C17orf113: variants seen among roughly 807,000 people sequenced by gnomAD.
C17orf113 encodes chromosome 17 open reading frame 113, also known as uncharacterized protein C17orf113.
In C17orf113, 5 loss-of-function variants were observed where a neutral mutation model predicts 11.6. That is an observed-to-expected ratio of 0.43 (90% CI 0.23 to 0.91). The LOEUF is 0.91. Ranked by LOEUF, C17orf113 falls within the 40% of genes least tolerant of loss-of-function variation. The probability of loss-of-function intolerance (pLI) is 0.26; values close to 1 mark genes in which losing one functional copy is unlikely to be tolerated. For missense variants in C17orf113, 714 were observed against 841.3 expected, an observed-to-expected ratio of 0.85 and a Z score of 1.87; for synonymous variants, 327 against 390.6, an observed-to-expected ratio of 0.84 and a Z score of 1.92.
chr17:42,049,575 C>T (rs1555656924), intron 1 of C17orf113, among the ~76,000 whole-genome samples: 1 of 152,260 alleles, frequency 6.6e-6, no homozygotes, highest in East Asian at 1.9e-4. Flanking sequence ...CTTTGACATC[C>T]TTTCCTCCCA....
In C17orf113 at chr17:42,050,538, C is replaced by G. The variant is rs2053260059; in HGVS notation, c.-188+19G>C. On this transcript the variant is annotated intron_variant, in intron 1 of 2. Transcript: ENST00000587304. The surrounding 1 kb of genome is among the most constrained non-coding windows in gnomAD (Gnocchi z 5.6). ...GTCCAGCCCGGCCTGGCGCCCCCGC[C>G]CCGTCCGCTCGCACTCACGGAGACA... The G allele has an allele frequency of 6.6e-6, 1 of 152,244 alleles. No homozygotes were observed. Among genetic ancestry groups the G allele is most frequent in the Admixed American group, 6.5e-5 (1 of 15,290 alleles). The allele number at this position is 152,244 out of a possible 1,614,324, so 9.4% of individuals were successfully genotyped here.
At chr17:42,047,793 A>G (rs1555656764) in intron 1 of C17orf113, among the ~76,000 whole-genome samples, 1 of 151,768 alleles carries the variant, frequency 6.6e-6, no homozygotes, top group African/African-American at 2.4e-5. Context: ...AGCTGGGATT[A>G]CAGGCGCGCA....
intron 1 of C17orf113, among the ~76,000 whole-genome samples, chr17:42,046,835 G>A (rs1232076613): frequency 6.6e-6 from 1 of 150,930 alleles, no homozygotes; most frequent in Non-Finnish European, 1.5e-5. Flanking sequence ...TTGTTTCTGA[G>A]ACTGTCAATT....
chr17:42,041,705 T>G (rs563936032), intron 2 of C17orf113, among the ~76,000 whole-genome samples: 1 of 152,260 alleles, frequency 6.6e-6, no homozygotes, highest in African/African-American at 2.4e-5. Context: ...TCCCAACCAG[T>G]CACCCTGGGT....
At position 42,043,191 on chromosome 17, in the gene C17orf113, G is replaced by A. The variant is rs1555656312; in HGVS notation, c.186C>T (p.Asn62=). The part of the protein sequence containing the change: ...LVRNKHGKAE[N]AFTVGTDNFQ... ...AGTTGTCTGTGCCCACAGTGAAGGC[G>A]TTTTCGGCTTTGCCATGCTTGTTCC... The change falls in exon 2 of 3, where the codon AAC becomes AAT. Residue 62 remains asparagine, a synonymous_variant. Transcript: ENST00000587304. The A allele has an allele frequency of 1.2e-5, 15 of 1,232,112 alleles. No homozygotes were observed. In the Middle Eastern group the frequency reaches 9.3e-4, roughly 76 times the overall value. The allele number at this position is 1,232,112 out of a possible 1,614,324, so 76.3% of individuals were successfully genotyped here.
Position 42,043,192 on chromosome 17 carries a change from T to C in C17orf113, c.185A>G (p.Asn62Ser). The C allele has an allele frequency of 8.1e-7, 1 of 1,232,146 alleles. No homozygotes were observed. 76.3% of individuals were successfully genotyped at this position (1,232,146 alleles called of 1,614,324 possible). ...GTTGTCTGTGCCCACAGTGAAGGCG[T>C]TTTCGGCTTTGCCATGCTTGTTCCG... ...LVRNKHGKAENAFTVGTDNFQ... is the reference protein window; with the variant it reads ...LVRNKHGKAESAFTVGTDNFQ... Residue 62 changes from asparagine to serine, a missense_variant, in exon 2 of 3, where the codon AAC (asparagine) becomes AGC (serine). Physicochemically the swap from Asn to Ser is conservative, Grantham distance 46 (BLOSUM62 1). Around this residue, in one of 3 missense-constraint regions of C17orf113, gnomAD observed 516 missense variants for 626.6 expected, o/e 0.82. Transcript: ENST00000587304.
chr17:42,046,628 C>T (rs1488345929), intron 1 of C17orf113, among the ~76,000 whole-genome samples: 1 of 151,514 alleles, frequency 6.6e-6, no homozygotes, highest in Non-Finnish European at 1.5e-5. Context: ...AAATTTTAAA[C>T]TAAAAATAAA....
At chr17:42,049,033 A>G (rs1354741971) in intron 1 of C17orf113, among the ~76,000 whole-genome samples, 1 of 151,806 alleles carries the variant, frequency 6.6e-6, no homozygotes, top group Non-Finnish European at 1.5e-5. Context: ...AGGTCTGCCA[A>G]ATGCCCAGGG....
At chr17:42,047,132 C>T (rs531570227) in intron 1 of C17orf113, among the ~76,000 whole-genome samples, 23 of 151,472 alleles carry the variant, frequency 1.5e-4, no homozygotes, top group Non-Finnish European at 2.4e-4. Context: ...CCCGGGTTCA[C>T]GCCATTCTCC....
intron 1 of C17orf113, among the ~76,000 whole-genome samples, chr17:42,048,203 C>T (rs1011297860): frequency 6.6e-6 from 1 of 151,994 alleles, no homozygotes; most frequent in Admixed American, 6.6e-5. Flanking sequence ...GCTGCCTCCC[C>T]GGCCTGTTCC....
Position 42,040,607 on chromosome 17 carries a change from C to T in C17orf113, c.1126G>A (p.Glu376Lys). ...EAWPGLVPTL[E>K]AAALASPVAG... ...ACAGGTGAGGCAAGGGCTGCAGCCT[C>T]CAGGGTGGGCACCAGGCCAGGCCAG... Residue 376 changes from glutamate to lysine, a missense_variant, in exon 3 of 3, where the codon GAG (glutamate) becomes AAG (lysine). Physicochemically the swap from Glu to Lys is moderately conservative, Grantham distance 56. Transcript: ENST00000587304. The T allele has an allele frequency of 8.1e-7, 1 of 1,232,364 alleles. No homozygotes were observed. Among genetic ancestry groups the T allele is most frequent in the Non-Finnish European group, 1.0e-6 (1 of 988,112 alleles). 76.3% of individuals were successfully genotyped at this position (1,232,364 alleles called of 1,614,324 possible). A position where few individuals can be genotyped will look rare whatever the true frequency, so the allele number is the denominator to read the frequency against.
chr17:42,044,307 CAA>C (rs57246793), intron 1 of C17orf113, among the ~76,000 whole-genome samples: 29 of 70,504 alleles, frequency 4.1e-4, no homozygotes, highest in African/African-American at 1.4e-3. Context: ...GACCCTGTCT[CAA>C]AAAAAAAAAA....
In C17orf113 at chr17:42,040,949, A is replaced by G. The variant is rs986605307; in HGVS notation, c.784T>C (p.Ser262Pro). The G allele has an allele frequency of 2.4e-6, 3 of 1,232,240 alleles. No individual in the cohort carries two copies. In the South Asian group the frequency reaches 1.2e-4, roughly 51 times the overall value. The allele number at this position is 1,232,240 out of a possible 1,614,324, so 76.3% of individuals were successfully genotyped here. ...CTGAGCCAGGCCAGCTTGGGTGCAG[A>G]TACGCCGAAAGCCTGCAGGATGTCC... ...LLDILQAFGVSAPKLAWLSSS... is the reference protein window; with the variant it reads ...LLDILQAFGVPAPKLAWLSSS... Residue 262 changes from serine to proline, a missense_variant, in exon 3 of 3, where the codon TCT (serine) becomes CCT (proline). This residue lies in a region of C17orf113 where 516 missense variants were observed against 626.6 expected (regional missense o/e 0.82). Transcript: ENST00000587304.
intron 2 of C17orf113, among the ~76,000 whole-genome samples, chr17:42,042,421 C>G (rs966811851): frequency 6.6e-6 from 1 of 151,908 alleles, no homozygotes; most frequent in Non-Finnish European, 1.5e-5. Context: ...AATAGGGAGG[C>G]TGAGGCAGGA....
chr17:42,040,822 G>A lies in C17orf113; in HGVS notation c.911C>T (p.Pro304Leu). The A allele has an allele frequency of 8.1e-7, 1 of 1,232,308 alleles. No individual in the cohort carries two copies. The highest frequency in any genetic ancestry group is 1.5e-5 in the African/African-American group (1 of 64,560). The allele number at this position is 1,232,308 out of a possible 1,614,324, so 76.3% of individuals were successfully genotyped here. A position where few individuals can be genotyped will look rare whatever the true frequency, so the allele number is the denominator to read the frequency against. The change falls in exon 3 of 3, where the codon CCT (proline) becomes CTT (leucine). Residue 304 changes from proline to leucine, a missense_variant. Physicochemically the swap from Pro to Leu is moderately conservative, Grantham distance 98 (BLOSUM62 -3). Around this residue, in one of 3 missense-constraint regions of C17orf113, gnomAD observed 516 missense variants for 626.6 expected, o/e 0.82. Transcript: ENST00000587304. Reference sequence around the variant, plus strand: ...TTGACCCAAGTAGGCCGGGGGCTCAGGATCTGTCCGGCCAGGGAGACAATG... The same window carrying A: ...TTGACCCAAGTAGGCCGGGGGCTCAAGATCTGTCCGGCCAGGGAGACAATG... ...ELHCLPGRTD[P>L]EPPAYLGQYE...
chr17:42,044,558 G>A (rs1241567727), intron 1 of C17orf113, among the ~76,000 whole-genome samples: 3 of 151,822 alleles, frequency 2.0e-5, no homozygotes, highest in Non-Finnish European at 4.4e-5. Flanking sequence ...GGAGGTTGCA[G>A]TGAGCCGAGA....
chr17:42,041,133 TG>T lies in C17orf113; in HGVS notation c.599del (p.Pro200HisfsTer161). On this transcript the variant is annotated frameshift_variant, in exon 3 of 3. Coordinates refer to ENST00000587304, the MANE Select transcript of C17orf113 (RefSeq NM_001358661.2). LOFTEE classifies it low-confidence loss of function (END_TRUNC). ...TEACQRLKAS[P>X]YVGLVLDETR... Reference sequence around the variant, plus strand: ...TCTCGTCCAACACCAGCCCCACATATGGGGATGCCTTCAGGCGCTGGCAGGC... The same window carrying T: ...TCTCGTCCAACACCAGCCCCACATATGGGATGCCTTCAGGCGCTGGCAGGC... The T allele has an allele frequency of 8.1e-7, 1 of 1,232,220 alleles. No individual in the cohort carries two copies. Among genetic ancestry groups the T allele is most frequent in the Middle Eastern group, 3.1e-4 (1 of 3,208 alleles). The allele number at this position is 1,232,220 out of a possible 1,614,324, so 76.3% of individuals were successfully genotyped here.
rs1449416250 is a variant in C17orf113 at position 42,043,436 on chromosome 17, C to A, written c.-60G>T. On this transcript the variant is annotated 5_prime_UTR_variant, in exon 2 of 3. Transcript: ENST00000587304. Reference sequence around the variant, plus strand: ...CCTGAATGCTCTTGCCCCCCTGCCTCCCCCACACACAGGCACCTCCCTTGA... The same window carrying A: ...CCTGAATGCTCTTGCCCCCCTGCCTACCCCACACACAGGCACCTCCCTTGA... The A allele has an allele frequency of 2.5e-6, 3 of 1,215,676 alleles. No homozygotes were observed. The African/African-American group carries it at 4.7e-5, about 19-fold the overall frequency. The allele number at this position is 1,215,676 out of a possible 1,614,324, so 75.3% of individuals were successfully genotyped here.
At chr17:42,042,478 C>T (rs781514590) in intron 2 of C17orf113, among the ~76,000 whole-genome samples, 6 of 151,540 alleles carry the variant, frequency 4.0e-5, no homozygotes, top group Non-Finnish European at 5.9e-5. Flanking sequence ...GCTGAGATCA[C>T]GCCACTGCTC....
Sources: gnomAD v4.1 joint callset for allele counts (sites outside exome capture counted in the v4.1 genomes callset) on GRCh38, gnomAD v4.1.1 for gene constraint, gnomAD v4.1.1 regional missense constraint, Gnocchi (gnomAD v3.1) non-coding constraint, MANE v1.5 for transcripts, NCBI Gene and HGNC (gene_info 2026-07-23, HGNC 2026-07-21) for gene names.